The following ESRRG variants were observed in gnomAD, a reference collection of about 807,000 sequenced individuals.
ESRRG encodes estrogen-related receptor gamma.
A neutral mutation model predicts 44.0 loss-of-function variants in ESRRG; 13 were observed. The observed-to-expected ratio is 0.30, with a 90% CI of 0.19 to 0.47. ESRRG has a LOEUF of 0.47. Among genes scored for constraint, ESRRG ranks in the 20% least tolerant of loss-of-function variants. ESRRG has a pLI of 1.00. For missense variants in ESRRG, 395 were observed against 580.6 expected (o/e 0.68, Z 3.29); for synonymous variants, 215 against 214.6 (o/e 1.00, Z -0.02).
intron 2 of ESRRG, among the ~76,000 whole-genome samples, chr1:216,845,545 G>T (rs920188587): frequency 2.0e-5 from 3 of 152,122 alleles, no homozygotes; most frequent in African/African-American, 7.2e-5. Flanking sequence ...AACAGGTATT[G>T]CCTGTCAAGC....
intron 2 of ESRRG, among the ~76,000 whole-genome samples, chr1:216,741,562 A>T (rs1160802923): frequency 4.0e-5 from 6 of 151,794 alleles, no homozygotes; most frequent in Non-Finnish European, 8.8e-5. Context: ...TAGCATTTTC[A>T]TATCTGTATG....
At chr1:216,849,943 T>C (rs1183363989) in intron 2 of ESRRG, among the ~76,000 whole-genome samples, 1 of 152,128 alleles carries the variant, frequency 6.6e-6, no homozygotes, top group Non-Finnish European at 1.5e-5. Context: ...ACTCTCTTGT[T>C]TTAGTGAATG....
At chr1:217,085,766 G>A (rs879332549) in intron 1 of ESRRG, among the ~76,000 whole-genome samples, 1 of 151,962 alleles carries the variant, frequency 6.6e-6, no homozygotes, top group Non-Finnish European at 1.5e-5. Context: ...TGGGATTACA[G>A]GCATGAGTGA....
chr1:216,964,607 T>C (rs756287702), intron 1 of ESRRG, among the ~76,000 whole-genome samples: 3 of 152,172 alleles, frequency 2.0e-5, no homozygotes, highest in African/African-American at 7.2e-5. Context: ...TGAATCTGTA[T>C]GTGTCTACCT....
chr1:216,536,442 C>T (rs1329335664), intron 5 of ESRRG, among the ~76,000 whole-genome samples: 1 of 152,100 alleles, frequency 6.6e-6, no homozygotes, highest in African/African-American at 2.4e-5. Flanking sequence ...TATGAAATAT[C>T]TCATTTCCAA....
At chr1:216,760,242 T>C (rs1490974966) in intron 2 of ESRRG, among the ~76,000 whole-genome samples, 1 of 134,848 alleles carries the variant, frequency 7.4e-6, no homozygotes, top group Non-Finnish European at 1.6e-5. Context: ...TAGAATAAAT[T>C]TTTTTTCTCA....
chr1:216,870,268 T>C (rs970869121), intron 2 of ESRRG, among the ~76,000 whole-genome samples: 1 of 149,028 alleles, frequency 6.7e-6, no homozygotes, highest in Non-Finnish European at 1.5e-5. Flanking sequence ...TTTTTTTTTT[T>C]CTGGAGGATT....
At chr1:216,517,758 T>C (rs2044778577) in intron 6 of ESRRG, among the ~76,000 whole-genome samples, 1 of 152,236 alleles carries the variant, frequency 6.6e-6, no homozygotes, top group Non-Finnish European at 1.5e-5. Context: ...GGGCAGGGGA[T>C]TCTTCAGGGT....
chr1:217,019,431 A>G (rs2079952857), intron 1 of ESRRG, among the ~76,000 whole-genome samples: 1 of 152,166 alleles, frequency 6.6e-6, no homozygotes, highest in South Asian at 2.1e-4. Flanking sequence ...CTACATGCCA[A>G]TGTCTGAAAA....
At chr1:216,838,752 A>T (rs1425630914) in intron 2 of ESRRG, among the ~76,000 whole-genome samples, 1 of 152,208 alleles carries the variant, frequency 6.6e-6, no homozygotes, top group African/African-American at 2.4e-5. Flanking sequence ...TTTCCAGTGC[A>T]TTTAAAAGTT....
intron 4 of ESRRG, among the ~76,000 whole-genome samples, chr1:216,567,329 C>G (rs11117623): frequency 0.18 from 27,429 of 152,110 alleles, 3,097 homozygotes; most frequent in Middle Eastern, 0.26. Context: ...ATGGGGCTTG[C>G]ATTTTAGCAA....
chr1:216,854,287 G>T (rs2095885136), intron 2 of ESRRG, among the ~76,000 whole-genome samples: 1 of 134,368 alleles, frequency 7.4e-6, no homozygotes, highest in African/African-American at 2.8e-5. Flanking sequence ...AACCCCAGAA[G>T]TGGAAGTTGC....
At chr1:216,756,884 T>C (rs887137081) in intron 2 of ESRRG, among the ~76,000 whole-genome samples, 1 of 152,108 alleles carries the variant, frequency 6.6e-6, no homozygotes, top group East Asian at 1.9e-4. Context: ...AGGAACAGCA[T>C]GTCCTAGAGT....
In ESRRG at chr1:216,899,136, G is replaced by A. The variant is rs12070265; in HGVS notation, c.-14+40446C>T. Among the ~76,000 whole-genome samples the A allele has an allele frequency of 5.0e-3, 756 of 152,278 alleles. 3 individuals carry two copies. The highest frequency in any genetic ancestry group is 0.017 in the African/African-American group (709 of 41,556). Reference sequence around the variant, plus strand: ...AAAGAAAACATTTGGGCTGTTCTCAGGAAATAAATGGCTAAGAAACTTTAT... The same window carrying A: ...AAAGAAAACATTTGGGCTGTTCTCAAGAAATAAATGGCTAAGAAACTTTAT... On this transcript the variant is annotated intron_variant, in intron 2 of 7. Coordinates refer to the ESRRG transcript ENST00000359162.
At chr1:216,795,975 C>A (rs904576001) in intron 2 of ESRRG, among the ~76,000 whole-genome samples, 1 of 152,094 alleles carries the variant, frequency 6.6e-6, no homozygotes, top group Non-Finnish European at 1.5e-5. Context: ...CCCAAAATCT[C>A]GGGCATCATG....
chr1:216,607,283 C>A (rs1320389853), intron 3 of ESRRG, among the ~76,000 whole-genome samples: 1 of 152,132 alleles, frequency 6.6e-6, no homozygotes, highest in East Asian at 1.9e-4. Flanking sequence ...AAACTGGCCA[C>A]CAAAACTGAC....
chr1:216,984,277 G>C (rs1184523096), intron 1 of ESRRG, among the ~76,000 whole-genome samples: 6 of 152,096 alleles, frequency 3.9e-5, no homozygotes, highest in Non-Finnish European at 7.4e-5. Context: ...ATCATTTTAA[G>C]ATCTTCTAAT....
intron 5 of ESRRG, among the ~76,000 whole-genome samples, chr1:216,560,071 G>A (rs1572972926): frequency 6.6e-6 from 1 of 152,076 alleles, no homozygotes; most frequent in South Asian, 2.1e-4. Context: ...AGGGCAAATA[G>A]TAAATATTGG....
At chr1:217,124,132 C>A (rs1017948715) in intron 1 of ESRRG, among the ~76,000 whole-genome samples, 2 of 152,142 alleles carry the variant, frequency 1.3e-5, no homozygotes, top group African/African-American at 4.8e-5. Flanking sequence ...AAGATGTAAG[C>A]TCCCTGAAGG....
Sources: gnomAD v4.1 joint callset for allele counts (sites outside exome capture counted in the v4.1 genomes callset) on GRCh38, gnomAD v4.1.1 for gene constraint, MANE v1.5 for transcripts, NCBI Gene and HGNC (gene_info 2026-07-23, HGNC 2026-07-21) for gene names.